GALNTL6: variants seen among roughly 807,000 people sequenced by gnomAD.
GALNTL6 encodes the protein polypeptide N-acetylgalactosaminyltransferase-like 6.
A neutral mutation model predicts 73.7 loss-of-function variants in GALNTL6; 46 were observed. That is an observed-to-expected ratio of 0.62 (90% CI 0.49 to 0.80). The LOEUF is 0.80. GALNTL6 is among the 30% of genes least tolerant of loss of function. The probability of loss-of-function intolerance (pLI) is 0.00; values close to 1 mark genes in which losing one functional copy is unlikely to be tolerated. For missense variants in GALNTL6, 604 were observed against 755.0 expected, an observed-to-expected ratio of 0.80 and a Z score of 2.34; for synonymous variants, 259 against 263.7, an observed-to-expected ratio of 0.98 and a Z score of 0.17.
intron 11 of GALNTL6, among the ~76,000 whole-genome samples, chr4:173,020,310 TG>T (rs1256903862): frequency 6.6e-6 from 1 of 152,182 alleles, no homozygotes; most frequent in Non-Finnish European, 1.5e-5. Context: ...TATAATAGAA[TG>T]GGATGGATAT....
chr4:172,468,451 T>C (rs1025770039), intron 5 of GALNTL6, among the ~76,000 whole-genome samples: 3 of 152,210 alleles, frequency 2.0e-5, no homozygotes, highest in African/African-American at 7.2e-5. Flanking sequence ...ATGACTGTTA[T>C]TGTTATATAA....
At chr4:172,374,056 T>C (rs1372374881) in intron 5 of GALNTL6, among the ~76,000 whole-genome samples, 2 of 152,172 alleles carry the variant, frequency 1.3e-5, no homozygotes, top group Admixed American at 1.3e-4. Flanking sequence ...CAGAGAATCT[T>C]CGTTCTCTGG....
chr4:172,959,471 G>A (rs185528334), intron 10 of GALNTL6, among the ~76,000 whole-genome samples: 137 of 152,188 alleles, frequency 9.0e-4, no homozygotes, highest in African/African-American at 3.2e-3. Flanking sequence ...AACAGTTATG[G>A]AGGCAAGGGA....
rs1003554052 is a variant in GALNTL6, at chr4:172,611,107, T to C, written c.554-198254T>C. Among the ~76,000 whole-genome samples, 13 of 152,054 alleles carry C rather than the reference T, an allele frequency of 8.5e-5. 1 individual carries two copies. Among genetic ancestry groups the C allele is most frequent in the African/African-American group, 3.1e-4 (13 of 41,420 alleles). Reference sequence around the variant, plus strand: ...TGAGCTAGGACTATTGAAAACAGCATATCATTGCATCTCGTTTTTTTATCC... The same window carrying C: ...TGAGCTAGGACTATTGAAAACAGCACATCATTGCATCTCGTTTTTTTATCC... On this transcript the variant is annotated intron_variant, in intron 5 of 12. Transcript: ENST00000506823.
At chr4:172,430,616 G>A (rs1450323769) in intron 5 of GALNTL6, among the ~76,000 whole-genome samples, 1 of 152,056 alleles carries the variant, frequency 6.6e-6, no homozygotes, top group East Asian at 1.9e-4. Flanking sequence ...GAGACATAAT[G>A]AGATCGTATC....
intron 5 of GALNTL6, among the ~76,000 whole-genome samples, chr4:172,737,347 A>G (rs751452007): frequency 2.1e-4 from 32 of 151,810 alleles, no homozygotes; most frequent in Non-Finnish European, 4.4e-4. Flanking sequence ...GTATTTTTAA[A>G]TAGCAGGTCT....
At chr4:172,493,050 C>G (rs1733951202) in intron 5 of GALNTL6, among the ~76,000 whole-genome samples, 1 of 152,028 alleles carries the variant, frequency 6.6e-6, no homozygotes, top group South Asian at 2.1e-4. Context: ...CTAGTAAGAA[C>G]TAATAAACAT....
intron 2 of GALNTL6, among the ~76,000 whole-genome samples, chr4:171,844,254 T>G (rs1057341705): frequency 6.6e-6 from 1 of 152,174 alleles, no homozygotes; most frequent in African/African-American, 2.4e-5. Flanking sequence ...GTCATTATTA[T>G]GTTTTTTAAA....
chr4:171,953,689 G>C (rs392614), intron 2 of GALNTL6, among the ~76,000 whole-genome samples: 77,914 of 151,866 alleles, frequency 0.51, 20,696 homozygotes, highest in East Asian at 0.66. Context: ...ATAATTGTAT[G>C]AAAAAGCAAC....
intron 5 of GALNTL6, among the ~76,000 whole-genome samples, chr4:172,691,209 T>A (rs1273519680): frequency 6.6e-6 from 1 of 151,476 alleles, no homozygotes; most frequent in African/African-American, 2.4e-5. Context: ...CTACCAAGAG[T>A]AGAACACAAA....
intron 2 of GALNTL6, among the ~76,000 whole-genome samples, chr4:171,899,991 T>C (rs1411346977): frequency 6.6e-6 from 1 of 152,166 alleles, no homozygotes; most frequent in Non-Finnish European, 1.5e-5. Flanking sequence ...GGGAGGATCA[T>C]TTTATTCTTT....
Position 172,080,503 on chromosome 4 carries a change from T to C in GALNTL6, c.139-149153T>C, listed in dbSNP as rs76679635. Among the ~76,000 whole-genome samples the C allele has an allele frequency of 2.3e-3, 355 of 152,306 alleles. 2 individuals are homozygous for C. The highest frequency in any genetic ancestry group is 8.0e-3 in the African/African-American group (332 of 41,572). On this transcript the variant is annotated intron_variant, in intron 2 of 12. Transcript: ENST00000506823. ...TTTGATTACCAGGTTTACATATATA[T>C]GTATGTGTTAGCAGGTACATGTATA...
intron 5 of GALNTL6, among the ~76,000 whole-genome samples, chr4:172,779,773 T>C (rs772941156): frequency 2.0e-5 from 3 of 152,206 alleles, no homozygotes; most frequent in Non-Finnish European, 4.4e-5. Context: ...AAGATTTTCT[T>C]AAAGCTAATT....
chr4:172,545,532 G>C lies in GALNTL6; in HGVS notation c.553+196843G>C, dbSNP rs1032154511. On this transcript the variant is annotated intron_variant, in intron 5 of 12. Coordinates refer to ENST00000506823, the MANE Select transcript of GALNTL6 (RefSeq NM_001034845.3). ...TGGATTTCTATAGCCTGTACAATGAGGTCCTAAGCAAGCATGGAATGGCAA... is the reference window on the plus strand; with the variant it reads ...TGGATTTCTATAGCCTGTACAATGACGTCCTAAGCAAGCATGGAATGGCAA... 5 of 152,150 alleles carry C rather than the reference G, an allele frequency of 3.3e-5. No homozygotes were observed. In the East Asian group the frequency reaches 9.6e-4, roughly 29 times the overall value. 9.4% of individuals were successfully genotyped at this position (152,150 alleles called of 1,614,324 possible).
At chr4:171,819,467 A>G (rs1211779342) in intron 2 of GALNTL6, among the ~76,000 whole-genome samples, 2 of 152,182 alleles carry the variant, frequency 1.3e-5, no homozygotes, top group Non-Finnish European at 2.9e-5. Context: ...GTGCTGAATC[A>G]ATTAGTTTCC....
At chr4:172,530,147 G>A (rs1275146955) in intron 5 of GALNTL6, among the ~76,000 whole-genome samples, 2 of 151,916 alleles carry the variant, frequency 1.3e-5, no homozygotes, top group East Asian at 3.9e-4. Context: ...CTGAAAACTC[G>A]AAGCTACCAA....
intron 8 of GALNTL6, among the ~76,000 whole-genome samples, chr4:172,917,555 A>G (rs555985260): frequency 6.6e-6 from 1 of 152,340 alleles, no homozygotes; most frequent in South Asian, 2.1e-4. Flanking sequence ...TTTACACGAA[A>G]AAAACAAACA....
intron 12 of GALNTL6, among the ~76,000 whole-genome samples, chr4:173,035,723 C>A (rs1010615267): frequency 5.9e-5 from 9 of 152,180 alleles, no homozygotes; most frequent in African/African-American, 9.7e-5. Context: ...CCATAGATAC[C>A]TTCTCTCCAT....
chr4:172,441,615 A>C (rs1731841262), intron 5 of GALNTL6, among the ~76,000 whole-genome samples: 1 of 152,088 alleles, frequency 6.6e-6, no homozygotes, highest in Non-Finnish European at 1.5e-5. Flanking sequence ...AGAGTGCTAA[A>C]ATGCTGTCTT....
Sources: gnomAD v4.1 joint callset for allele counts (sites outside exome capture counted in the v4.1 genomes callset) on GRCh38, gnomAD v4.1.1 for gene constraint, MANE v1.5 for transcripts, NCBI Gene and HGNC (gene_info 2026-07-23, HGNC 2026-07-21) for gene names.